GLP2R: variants seen among roughly 807,000 people sequenced by gnomAD.
GLP2R encodes the protein glucagon like peptide 2 receptor.
Under a neutral mutation model 68.2 loss-of-function variants are expected in GLP2R, and 59 were observed. The ratio of observed to expected loss-of-function variants is 0.87; its 90% CI spans 0.70 to 1.07. GLP2R has a LOEUF of 1.07. Ranked by LOEUF, GLP2R falls within the 50% of genes least tolerant of loss-of-function variation. The pLI is 0.00. For synonymous variants in GLP2R, 270 were observed against 265.4 expected (o/e 1.02, Z -0.17); for missense variants, 548 against 677.4 (o/e 0.81, Z 2.12).
chr17:9,828,316 G>A (rs769323723), intron 1 of GLP2R, among the ~76,000 whole-genome samples: 2 of 152,230 alleles, frequency 1.3e-5, no homozygotes, highest in Non-Finnish European at 2.9e-5. Flanking sequence ...GCCTGCCTCT[G>A]GTCCCAGGAC....
At chr17:9,885,949 A>G (rs1285503994) in intron 11 of GLP2R, among the ~76,000 whole-genome samples, 1 of 152,174 alleles carries the variant, frequency 6.6e-6, no homozygotes, top group African/African-American at 2.4e-5. Context: ...TGAGGAATCA[A>G]AGTGACTCTG....
intron 10 of GLP2R, among the ~76,000 whole-genome samples, chr17:9,871,232 G>A (rs1012354660): frequency 2.6e-5 from 4 of 152,002 alleles, no homozygotes; most frequent in South Asian, 2.1e-4. Context: ...GCCAGGCGTG[G>A]TGCATGCCTG....
intron 4 of GLP2R, among the ~76,000 whole-genome samples, chr17:9,844,938 G>A (rs893715412): frequency 3.3e-5 from 5 of 151,186 alleles, no homozygotes; most frequent in African/African-American, 9.7e-5. Flanking sequence ...TGATCCACCC[G>A]CCTTGGCCTC....
Position 9,889,572 on chromosome 17 carries a change from T to G in GLP2R, c.1529T>G (p.Leu510Arg), listed in dbSNP as rs757453386. The G allele has an allele frequency of 1.2e-6, 2 of 1,614,066 alleles. No homozygotes were observed. The highest frequency in any genetic ancestry group is 1.7e-6 in the Non-Finnish European group (2 of 1,180,026). ...CTCCTACATCTAGCCATGCGAGGTC[T>G]TGGGGAGCTGGGCGCCCAGCCCCAA... Reference protein sequence around the residue: ...GRLLHLAMRGLGELGAQPQQD... With the variant: ...GRLLHLAMRGRGELGAQPQQD... Residue 510 changes from leucine to arginine, a missense_variant, in exon 13 of 13, where the codon CTT (leucine) becomes CGT (arginine). Coordinates refer to ENST00000262441, the MANE Select transcript of GLP2R (RefSeq NM_004246.3).
chr17:9,880,689 G>A (rs73974321), intron 11 of GLP2R, among the ~76,000 whole-genome samples, 173 bp downstream of exon 11: 27 of 152,296 alleles, frequency 1.8e-4, no homozygotes, highest in East Asian at 5.8e-4. Context: ...GAAGTATTGC[G>A]TTGATCCTGC....
At chr17:9,847,611 C>T (rs1440816986) in intron 4 of GLP2R, among the ~76,000 whole-genome samples, 1 of 152,110 alleles carries the variant, frequency 6.6e-6, no homozygotes, top group African/African-American at 2.4e-5. Context: ...AACTGGTTCC[C>T]TGAAAATTTG....
chr17:9,854,744 A>G (rs2066920849), intron 5 of GLP2R, 143 bp downstream of exon 5: 3 of 641,866 alleles, frequency 4.7e-6, no homozygotes, highest in Non-Finnish European at 8.4e-6. Context: ...GATAGAACCA[A>G]CCCTATGTTT....
intron 4 of GLP2R, among the ~76,000 whole-genome samples, chr17:9,850,510 G>A (rs1490757818): frequency 2.0e-5 from 3 of 152,044 alleles, no homozygotes; most frequent in Non-Finnish European, 2.9e-5. Context: ...ACCTTCAATC[G>A]ATGACTGGCA....
intron 9 of GLP2R, 88 bp downstream of exon 9, chr17:9,862,178 T>C: frequency 2.2e-6 from 2 of 911,328 alleles, no homozygotes; most frequent in Non-Finnish European, 3.6e-6. Context: ...TCCCCCAGGT[T>C]CTCTGATCCC....
chr17:9,854,625 G>T, intron 5 of GLP2R, 24 bp downstream of exon 5: 2 of 1,353,586 alleles, frequency 1.5e-6, no homozygotes, highest in Non-Finnish European at 2.1e-6. Context: ...CTGCAGGCAT[G>T]TGTTCGGGCA....
chr17:9,857,211 G>A (rs8076134), intron 5 of GLP2R, among the ~76,000 whole-genome samples: 42,283 of 152,054 alleles, frequency 0.28, 9,758 homozygotes, highest in African/African-American at 0.62. Flanking sequence ...GAGCCACCGC[G>A]CCTGGCCGGT....
intron 9 of GLP2R, chr17:9,865,882 T>C (rs756223): frequency 0.2 from 94,970 of 470,932 alleles, 14,391 homozygotes; most frequent in African/African-American, 0.52. Context: ...GAGCATTCCC[T>C]TTGGTCACAA....
At chr17:9,874,406 A>G (rs1053048591) in intron 10 of GLP2R, among the ~76,000 whole-genome samples, 1 of 152,198 alleles carries the variant, frequency 6.6e-6, no homozygotes, top group Non-Finnish European at 1.5e-5. Context: ...CATGCCTGCA[A>G]TCCTAGCACT....
rs3803851 is a variant in GLP2R at position 9,890,349 on chromosome 17, T to A, written c.*644T>A. 2.1e-5 allele frequency: 6 copies of A among 292,112 alleles called. No individual in the cohort carries two copies. The East Asian group carries it at 5.8e-4, about 28-fold the overall frequency. The allele number at this position is 292,112 out of a possible 1,614,324, so 18.1% of individuals were successfully genotyped here. ...GTCAGCTGGGGTGTGCCTGCCCTCC[T>A]TGGAGAGTATGTAACTCCACCCACC... On this transcript the variant is annotated 3_prime_UTR_variant, in exon 13 of 13. Transcript: ENST00000262441.
chr17:9,867,997 T>C (rs1328924152), intron 9 of GLP2R, among the ~76,000 whole-genome samples: 3 of 152,166 alleles, frequency 2.0e-5, no homozygotes, highest in African/African-American at 2.4e-5. Flanking sequence ...AAAGTGTGAC[T>C]CTCCCTGTAC....
At chr17:9,872,579 AAAAC>A (rs1345535606) in intron 10 of GLP2R, among the ~76,000 whole-genome samples, 2 of 152,220 alleles carry the variant, frequency 1.3e-5, no homozygotes, top group Non-Finnish European at 2.9e-5. Flanking sequence ...CTCCATCTCA[AAAAC>A]AAACAAACAA....
At chr17:9,879,342 A>AAATAAAATAAAAT (rs2067173188) in intron 10 of GLP2R, among the ~76,000 whole-genome samples, 1 of 147,754 alleles carries the variant, frequency 6.8e-6, no homozygotes, top group African/African-American at 2.5e-5. Context: ...AAATAAAATA[A>AAATAAAATAAAAT]AATAATTATC....
chr17:9,861,101 C>T, intron 7 of GLP2R, 38 bp from the exon 8 acceptor site: 1 of 1,573,060 alleles, frequency 6.4e-7, no homozygotes. Flanking sequence ...GTTTGGCCAA[C>T]CAACTCCTAA....
At chr17:9,874,439 T>G (rs776546333) in intron 10 of GLP2R, among the ~76,000 whole-genome samples, 12 of 152,082 alleles carry the variant, frequency 7.9e-5, no homozygotes, top group Non-Finnish European at 1.5e-4. Context: ...GGGGAAGGGA[T>G]CACATGAGGC....
Sources: allele counts gnomAD v4.1 joint callset (sites outside exome capture counted in the v4.1 genomes callset), GRCh38; gene constraint gnomAD v4.1.1; transcripts MANE v1.5; gene names NCBI Gene and HGNC (gene_info 2026-07-23, HGNC 2026-07-21).